The following FRAS1 variants were observed in gnomAD, a reference collection of about 807,000 sequenced individuals.
FRAS1 encodes the protein extracellular matrix organizing protein FRAS1.
A neutral mutation model predicts 435.2 loss-of-function variants in FRAS1; 290 were observed. The observed-to-expected ratio is 0.67, with a 90% CI of 0.61 to 0.73. The LOEUF (loss-of-function observed/expected upper bound fraction) is 0.73, where lower values mean the gene tolerates loss of function less well. Among genes scored for constraint, FRAS1 ranks in the 30% least tolerant of loss-of-function variants. FRAS1 has a pLI of 0.00. For synonymous variants in FRAS1, 1,800 were observed against 1,851.0 expected (o/e 0.97, Z 0.71); for missense variants, 4,860 against 5,001.5 (o/e 0.97, Z 0.85).
intron 9 of FRAS1, among the ~76,000 whole-genome samples, chr4:78,276,124 G>C (rs1201174052): frequency 6.6e-6 from 1 of 152,132 alleles, no homozygotes; most frequent in Admixed American, 6.5e-5. Context: ...TGAAGCTTGT[G>C]CATTCATCAC....
rs772768756 is a variant in FRAS1, at chr4:78,278,626, ATG to A, written c.982-26_982-25del. On this transcript the variant is annotated intron_variant, in intron 9 of 73. Coordinates refer to ENST00000512123, the MANE Select transcript of FRAS1 (RefSeq NM_025074.7). ...TGCTACCTGGAGATGTTAATTTGAT[ATG>A]TGCCACTGCAACCCTTATTTCTACA... is the stretch of plus-strand genomic sequence containing the variant. The A allele has an allele frequency of 3.2e-6, 4 of 1,255,706 alleles. No individual in the cohort carries two copies. In the South Asian group the frequency reaches 4.8e-5, roughly 15 times the overall value. The allele number at this position is 1,255,706 out of a possible 1,614,324, so 77.8% of individuals were successfully genotyped here.
chr4:78,124,564 G>T (rs1719230103), intron 2 of FRAS1, among the ~76,000 whole-genome samples: 1 of 152,150 alleles, frequency 6.6e-6, no homozygotes, highest in African/African-American at 2.4e-5. Context: ...GCTCCTCTTT[G>T]TACCTTTGGT....
intron 2 of FRAS1, among the ~76,000 whole-genome samples, chr4:78,138,928 C>T (rs1247769081): frequency 6.6e-6 from 1 of 152,140 alleles, no homozygotes; most frequent in East Asian, 1.9e-4. Flanking sequence ...TCTCTAAGTT[C>T]TGGCACCTGG....
intron 3 of FRAS1, 145 bp from the exon 4 acceptor site, chr4:78,245,088 A>T: frequency 4.7e-6 from 3 of 641,040 alleles, no homozygotes; most frequent in Admixed American, 5.3e-5. Flanking sequence ...CCTTTTTTTC[A>T]GTCTATTCAT....
intron 68 of FRAS1, 115 bp from the exon 69 acceptor site, chr4:78,522,533 TG>T: frequency 1.1e-6 from 1 of 904,156 alleles, no homozygotes; most frequent in Non-Finnish European, 1.7e-6. Context: ...TAAGCTTAGT[TG>T]TTTGAGAGAA....
intron 14 of FRAS1, among the ~76,000 whole-genome samples, chr4:78,300,776 C>G (rs1039762850): frequency 6.6e-6 from 1 of 152,072 alleles, no homozygotes. Context: ...CATGGCCCCC[C>G]ACTGTGCCTC....
At chr4:78,383,798 A>G (rs1348472953) in intron 27 of FRAS1, among the ~76,000 whole-genome samples, 1 of 152,222 alleles carries the variant, frequency 6.6e-6, no homozygotes, top group Non-Finnish European at 1.5e-5. Flanking sequence ...TATTCAGTTT[A>G]GAAAGATAGG....
At chr4:78,472,447 C>G (rs1719739416) in intron 52 of FRAS1, 117 bp downstream of exon 52, 6 of 854,650 alleles carry the variant, frequency 7.0e-6, no homozygotes, top group Non-Finnish European at 1.0e-5. Flanking sequence ...AACCACTTTG[C>G]AGAGATCTTC....
intron 14 of FRAS1, 93 bp from the exon 15 acceptor site, chr4:78,307,973 A>G (rs1728855799): frequency 7.7e-7 from 1 of 1,294,230 alleles, no homozygotes; most frequent in East Asian, 2.5e-5. Flanking sequence ...ACCAACTGAC[A>G]TCCTCCTTGT....
intron 2 of FRAS1, among the ~76,000 whole-genome samples, chr4:78,122,609 T>A (rs1182539134): frequency 6.6e-6 from 1 of 152,140 alleles, no homozygotes; most frequent in African/African-American, 2.4e-5. Context: ...TAAAAGCATT[T>A]CTATTTTTCC....
chr4:78,237,467 T>C (rs1350266919), intron 2 of FRAS1, 43 bp from the exon 3 acceptor site: 1 of 1,396,100 alleles, frequency 7.2e-7, no homozygotes, highest in South Asian at 1.2e-5. Flanking sequence ...TGCTCATACC[T>C]TGACTGATCA....
intron 2 of FRAS1, among the ~76,000 whole-genome samples, chr4:78,111,691 A>G (rs1177790681): frequency 7.7e-6 from 1 of 130,452 alleles, no homozygotes; most frequent in African/African-American, 3.0e-5. Flanking sequence ...AGCATGGCAC[A>G]TGTATACATA....
chr4:78,543,737 A>G lies in FRAS1; in HGVS notation c.*2613A>G, dbSNP rs1289576779. On this transcript the variant is annotated 3_prime_UTR_variant, in exon 74 of 74. Coordinates refer to ENST00000512123, the MANE Select transcript of FRAS1 (RefSeq NM_025074.7). ...TTTGGTTTGTTTCATACTTCATTAT[A>G]GGAATCAAGTAATTTGATGACTAAT... is the stretch of plus-strand genomic sequence containing the variant. 1 of 152,260 alleles carries G rather than the reference A, an allele frequency of 6.6e-6. No individual in the cohort carries two copies. Among genetic ancestry groups the G allele is most frequent in the Non-Finnish European group, 1.5e-5 (1 of 68,048 alleles). The allele number at this position is 152,260 out of a possible 1,614,324, so 9.4% of individuals were successfully genotyped here. A position where few individuals can be genotyped will look rare whatever the true frequency, so the allele number is the denominator to read the frequency against.
At chr4:78,498,863 T>TTTATTTAC (rs1178843029) in intron 60 of FRAS1, among the ~76,000 whole-genome samples, 1 of 151,952 alleles carries the variant, frequency 6.6e-6, no homozygotes, top group African/African-American at 2.4e-5. Context: ...TATTTATTTA[T>TTTATTTAC]TTGAGATGGA....
Position 78,319,110 on chromosome 4 carries a change from A to T in FRAS1, c.2137+124A>T. 3.1e-6 allele frequency: 3 copies of T among 978,684 alleles called. No individual in the cohort carries two copies. The East Asian group carries it at 7.2e-5, about 23-fold the overall frequency. The allele number at this position is 978,684 out of a possible 1,614,324, so 60.6% of individuals were successfully genotyped here. ...TAGAATGGTTCCTAGATGCTTGTGAATAAAGCAGGAGACCAACGTGCAAAA... is the reference window on the plus strand; with the variant it reads ...TAGAATGGTTCCTAGATGCTTGTGATTAAAGCAGGAGACCAACGTGCAAAA... On this transcript the variant is annotated intron_variant, in intron 18 of 73. Coordinates refer to ENST00000512123, the MANE Select transcript of FRAS1 (RefSeq NM_025074.7).
At chr4:78,098,155 G>A (rs1275713258) in intron 2 of FRAS1, among the ~76,000 whole-genome samples, 3 of 152,076 alleles carry the variant, frequency 2.0e-5, no homozygotes, top group African/African-American at 7.2e-5. Context: ...AAAAATAGGA[G>A]AAGTTTGTCT....
chr4:78,117,850 C>T (rs1359392105), intron 2 of FRAS1, among the ~76,000 whole-genome samples: 1 of 152,258 alleles, frequency 6.6e-6, no homozygotes, highest in Non-Finnish European at 1.5e-5. Context: ...ATTCTCCGTC[C>T]AGCTTTGTTC....
At chr4:78,161,500 T>C (rs1721134690) in intron 2 of FRAS1, among the ~76,000 whole-genome samples, 2 of 152,060 alleles carry the variant, frequency 1.3e-5, no homozygotes, top group South Asian at 4.1e-4. Flanking sequence ...TTAAATGGAA[T>C]AATCTAGACA....
chr4:78,441,879 C>T (rs569543224), intron 41 of FRAS1, among the ~76,000 whole-genome samples: 39 of 152,336 alleles, frequency 2.6e-4, no homozygotes, highest in African/African-American at 8.9e-4. Flanking sequence ...CACCATCTGC[C>T]CTGAACACTC....
Sources: allele counts gnomAD v4.1 joint callset (sites outside exome capture counted in the v4.1 genomes callset), GRCh38; gene constraint gnomAD v4.1.1; transcripts MANE v1.5; gene names NCBI Gene and HGNC (gene_info 2026-07-23, HGNC 2026-07-21).